BEND5: variants seen among roughly 807,000 people sequenced by gnomAD.
BEND5 encodes BEN domain containing 5, also known as BEN domain-containing protein 5.
BEND5 carries 22 observed loss-of-function variants against 43.9 expected under a neutral mutation model. The ratio of observed to expected loss-of-function variants is 0.50; its 90% CI spans 0.36 to 0.72. BEND5 has a LOEUF of 0.72. Ranked by LOEUF, BEND5 falls within the 30% of genes least tolerant of loss-of-function variation. The pLI is 0.00. For missense variants in BEND5, 428 were observed against 550.6 expected, an observed-to-expected ratio of 0.78 and a Z score of 2.23; for synonymous variants, 228 against 225.9, an observed-to-expected ratio of 1.01 and a Z score of -0.08.
intron 1 of BEND5, among the ~76,000 whole-genome samples, chr1:48,761,731 C>G (rs926139037): frequency 6.6e-6 from 1 of 151,630 alleles, no homozygotes; most frequent in Non-Finnish European, 1.5e-5. Context: ...AGGGGTTTCT[C>G]TAAGTACATC....
At chr1:48,758,238 C>G (rs1163816874) in intron 3 of BEND5, among the ~76,000 whole-genome samples, 1 of 152,188 alleles carries the variant, frequency 6.6e-6, no homozygotes, top group Non-Finnish European at 1.5e-5. Flanking sequence ...CCTACCAAAA[C>G]AAGTCCAGAC....
intron 3 of BEND5, among the ~76,000 whole-genome samples, chr1:48,751,278 G>C (rs1651694310): frequency 6.6e-6 from 1 of 152,180 alleles, no homozygotes; most frequent in Non-Finnish European, 1.5e-5. Flanking sequence ...TCATCTAAAA[G>C]CTCAAGGGTC....
chr1:48,729,470 A>G (rs1647746355), intron 5 of BEND5, among the ~76,000 whole-genome samples: 1 of 152,176 alleles, frequency 6.6e-6, no homozygotes, highest in Non-Finnish European at 1.5e-5. Context: ...AGGAATTGCT[A>G]TGGAGAACAA....
Position 48,776,717 on chromosome 1 carries a change from C to T in BEND5, c.115G>A (p.Ala39Thr). The change falls in exon 1 of 6, where the codon GCC becomes ACC. Residue 39 changes from alanine (A) to threonine (T), a missense_variant. This residue lies in a region of BEND5 where 107 missense variants were observed against 98.8 expected (regional missense o/e 1.08). Coordinates refer to ENST00000371833, the MANE Select transcript of BEND5 (RefSeq NM_024603.4). Reference sequence around the variant, plus strand: ...AATTCCTCCGGGCCCCGGTACACGGCGTACACCTTCTGGTTGTCAAAATCC... The same window carrying T: ...AATTCCTCCGGGCCCCGGTACACGGTGTACACCTTCTGGTTGTCAAAATCC... ...RLDFDNQKVY[A>T]VYRGPEELGA... 1 of 1,527,536 alleles carries T rather than the reference C, an allele frequency of 6.5e-7. No homozygotes were observed. The highest frequency in any genetic ancestry group is 8.8e-7 in the Non-Finnish European group (1 of 1,137,860). 94.6% of individuals were successfully genotyped at this position (1,527,536 alleles called of 1,614,324 possible).
rs1023941249 is a variant in BEND5 at position 48,776,398 on chromosome 1, G to A, written c.226+208C>T. 2.0e-5 allele frequency among the ~76,000 whole-genome samples: 3 copies of A among 152,344 alleles called. No individual in the cohort carries two copies. In the East Asian group the frequency reaches 5.8e-4, roughly 29 times the overall value. ...AGCGCGGGAGCTTCGGGGAAGCGGG[G>A]AAGACAAAGGGGACCATCCGGTCTT... On this transcript the variant is annotated intron_variant, in intron 1 of 5. Transcript: ENST00000371833.
chr1:48,728,499 A>C (rs368392861), intron 5 of BEND5, among the ~76,000 whole-genome samples: 1 of 67,068 alleles, frequency 1.5e-5, no homozygotes. Context: ...TTTTTTTTTT[A>C]CTCAAATGTT....
At chr1:48,742,082 G>A (rs1041615808) in intron 4 of BEND5, among the ~76,000 whole-genome samples, 14 of 152,176 alleles carry the variant, frequency 9.2e-5, no homozygotes, top group African/African-American at 3.4e-4. Context: ...AGGACTGTGC[G>A]CTAACCACTG....
At chr1:48,761,162 G>T in intron 2 of BEND5, 175 bp downstream of exon 2, 1 of 679,324 alleles carries the variant, frequency 1.5e-6, no homozygotes, top group Non-Finnish European at 2.4e-6. Flanking sequence ...TAGAAAGTTG[G>T]CCAGCAAGGC....
intron 1 of BEND5, among the ~76,000 whole-genome samples, chr1:48,770,104 T>C (rs1644738968): frequency 2.6e-5 from 4 of 152,184 alleles, no homozygotes; most frequent in Admixed American, 2.6e-4. Context: ...TGCTGTTATA[T>C]TGCTCCCACC....
intron 5 of BEND5, among the ~76,000 whole-genome samples, chr1:48,734,901 T>A (rs1648774569): frequency 6.6e-6 from 1 of 152,188 alleles, no homozygotes. Flanking sequence ...ACTTTCTTTA[T>A]GAAGACATGG....
intron 3 of BEND5, among the ~76,000 whole-genome samples, chr1:48,754,891 A>C (rs1018769015): frequency 6.6e-6 from 1 of 152,182 alleles, no homozygotes; most frequent in Non-Finnish European, 1.5e-5. Flanking sequence ...GGCACGCAGG[A>C]CCAGGGGTCA....
At chr1:48,769,489 GC>G (rs1419119395) in intron 1 of BEND5, among the ~76,000 whole-genome samples, 1 of 149,322 alleles carries the variant, frequency 6.7e-6, no homozygotes, top group East Asian at 2.0e-4. Context: ...TTAATAGTAA[GC>G]CTTTCATGCT....
intron 3 of BEND5, among the ~76,000 whole-genome samples, chr1:48,746,182 T>C (rs1011197754): frequency 6.6e-6 from 1 of 152,112 alleles, no homozygotes; most frequent in Non-Finnish European, 1.5e-5. Context: ...TATATATATA[T>C]TCGTATATTT....
intron 3 of BEND5, among the ~76,000 whole-genome samples, chr1:48,753,681 T>G (rs1008474656): frequency 2.6e-5 from 4 of 152,228 alleles, no homozygotes; most frequent in Non-Finnish European, 4.4e-5. Context: ...CAGGACATTT[T>G]CTCTTCTTTT....
chr1:48,764,968 C>G (rs1487705681), intron 1 of BEND5, among the ~76,000 whole-genome samples: 1 of 152,156 alleles, frequency 6.6e-6, no homozygotes, highest in African/African-American at 2.4e-5. Flanking sequence ...CATCTGATGA[C>G]AGGAGGCCTC....
intron 1 of BEND5, among the ~76,000 whole-genome samples, chr1:48,774,479 T>G (rs981101929): frequency 6.6e-6 from 1 of 152,232 alleles, no homozygotes; most frequent in Non-Finnish European, 1.5e-5. Context: ...TTGTCTTTTT[T>G]TCCCCTTTCT....
Position 48,761,418 on chromosome 1 carries a change from G to A in BEND5, c.279C>T (p.Pro93=). 7.1e-6 allele frequency: 11 copies of A among 1,551,468 alleles called. 1 individual carries two copies. The highest frequency in any genetic ancestry group is 9.6e-6 in the Non-Finnish European group (11 of 1,146,878). Residue 93 remains proline, a synonymous_variant, in exon 2 of 6, where the codon CCC becomes CCT. Coordinates refer to ENST00000371833, the MANE Select transcript of BEND5 (RefSeq NM_024603.4). ...NSVMQKKIKI[P]KLSLNHVEED... The stretch of plus-strand genomic sequence containing the variant: ...CTTCTACATGATTAAGAGAAAGCTT[G>A]GGGATTTTTATTTTCTTCTGCATCA...
At chr1:48,744,353 A>G (rs185439063) in intron 3 of BEND5, among the ~76,000 whole-genome samples, 46 of 152,380 alleles carry the variant, frequency 3.0e-4, no homozygotes, top group Middle Eastern at 3.4e-3. Context: ...GTGTGGGATC[A>G]CAGGTTAAAA....
chr1:48,756,599 GA>G (rs1643941937), intron 3 of BEND5, among the ~76,000 whole-genome samples: 1 of 152,208 alleles, frequency 6.6e-6, no homozygotes, highest in Non-Finnish European at 1.5e-5. Context: ...ACAGAGTTGG[GA>G]AGTAGGGAAG....
Sources: gnomAD v4.1 joint callset for allele counts (sites outside exome capture counted in the v4.1 genomes callset) on GRCh38, gnomAD v4.1.1 for gene constraint, gnomAD v4.1.1 regional missense constraint, MANE v1.5 for transcripts, NCBI Gene and HGNC (gene_info 2026-07-23, HGNC 2026-07-21) for gene names.